Variants in GALP observed in about 807,000 individuals in gnomAD.
The protein encoded by GALP is galanin like peptide.
A neutral mutation model predicts 15.2 loss-of-function variants in GALP; 12 were observed. The observed-to-expected ratio is 0.79, with a 90% CI of 0.51 to 1.28. GALP has a LOEUF of 1.28. Among genes scored for constraint, GALP ranks in the 50% most tolerant of loss-of-function variants. The pLI, the probability that GALP is intolerant of heterozygous loss-of-function variation, is 0.00. For missense variants in GALP, 161 were observed against 145.6 expected (o/e 1.11, Z -0.55); for synonymous variants, 58 against 55.1 (o/e 1.05, Z -0.23).
intron 2 of GALP, among the ~76,000 whole-genome samples, chr19:56,178,800 G>A (rs769776637): frequency 2.0e-5 from 3 of 152,214 alleles, no homozygotes; most frequent in Non-Finnish European, 4.4e-5. Flanking sequence ...ATCCTTTGCA[G>A]TTGGTTCTAT....
At chr19:56,177,887 A>C (rs531658553) in intron 2 of GALP, among the ~76,000 whole-genome samples, 22 of 152,316 alleles carry the variant, frequency 1.4e-4, no homozygotes, top group Middle Eastern at 6.8e-3. Flanking sequence ...AGGATTAAAT[A>C]ATTAAGAGAT....
chr19:56,176,243 C>T (rs1338307283), intron 1 of GALP, among the ~76,000 whole-genome samples, 181 bp downstream of exon 1: 166 of 111,264 alleles, frequency 1.5e-3, no homozygotes, highest in East Asian at 6.1e-3. Flanking sequence ...GGCACAGGGG[C>T]GGATGCCAGC....
chr19:56,184,550 C>G (rs1448293546), intron 5 of GALP, among the ~76,000 whole-genome samples: 1 of 136,972 alleles, frequency 7.3e-6, no homozygotes, highest in African/African-American at 2.8e-5. Flanking sequence ...GTGGCGCGAT[C>G]TCGGCTCACT....
rs138776948 is a variant in GALP, at chr19:56,183,103, C to G, written c.218-32C>G. ...TTTAGCTCCCACTTGTAACTACGAA[C>G]GTGTGTGTGAATGTTGTATTTTTGT... On this transcript the variant is annotated intron_variant, in intron 4 of 5. Coordinates refer to ENST00000357330, the MANE Select transcript of GALP (RefSeq NM_033106.4). The G allele has an allele frequency of 9.7e-4, 1,419 of 1,469,762 alleles. 5 individuals are homozygous for G. The highest frequency in any genetic ancestry group is 8.8e-3 in the Middle Eastern group (51 of 5,808). 91.0% of individuals were successfully genotyped at this position (1,469,762 alleles called of 1,614,324 possible). A position where few individuals can be genotyped will look rare whatever the true frequency, so the allele number is the denominator to read the frequency against.
intron 3 of GALP, among the ~76,000 whole-genome samples, chr19:56,181,623 G>A (rs2122168503): frequency 6.6e-6 from 1 of 151,876 alleles, no homozygotes; most frequent in African/African-American, 2.4e-5. Context: ...GGTCAGACTG[G>A]TCTTGAACTC....
intron 4 of GALP, 31 bp from the exon 5 acceptor site, chr19:56,183,104 G>A (rs570945213): frequency 4.2e-5 from 62 of 1,476,376 alleles, no homozygotes; most frequent in South Asian, 3.2e-4. Flanking sequence ...AACTACGAAC[G>A]TGTGTGTGAA....
At chr19:56,183,654 A>G (rs756669771) in intron 5 of GALP, among the ~76,000 whole-genome samples, 43 of 152,082 alleles carry the variant, frequency 2.8e-4, no homozygotes, top group African/African-American at 6.0e-4. Flanking sequence ...TTGGAGTGCA[A>G]TGGTGCGATC....
intron 2 of GALP, among the ~76,000 whole-genome samples, chr19:56,179,704 T>C (rs996311457): frequency 2.5e-4 from 38 of 150,918 alleles, no homozygotes; most frequent in African/African-American, 9.0e-4. Context: ...AGTGCAGGGA[T>C]GAGATCATAG....
chr19:56,185,052 G>A (rs947185983), intron 5 of GALP, among the ~76,000 whole-genome samples, 163 bp from the exon 6 acceptor site: 2 of 152,114 alleles, frequency 1.3e-5, no homozygotes, highest in Non-Finnish European at 1.5e-5. Flanking sequence ...TGTAATCCCA[G>A]CACTTTGGGA....
At chr19:56,184,421 C>A (rs1477765686) in intron 5 of GALP, among the ~76,000 whole-genome samples, 6 of 152,010 alleles carry the variant, frequency 3.9e-5, no homozygotes, top group African/African-American at 1.4e-4. Flanking sequence ...TCCCACCTTC[C>A]TTTAGTTGGA....
intron 2 of GALP, among the ~76,000 whole-genome samples, chr19:56,178,165 CAA>C (rs71184328): frequency 2.6e-3 from 351 of 135,714 alleles, no homozygotes; most frequent in Non-Finnish European, 1.9e-3. Flanking sequence ...TTTTTTCTAA[CAA>C]AAAAAAAAAA....
intron 3 of GALP, among the ~76,000 whole-genome samples, chr19:56,181,803 A>T (rs2032571795): frequency 6.6e-6 from 1 of 152,042 alleles, no homozygotes; most frequent in Non-Finnish European, 1.5e-5. Flanking sequence ...CTGCATAGTG[A>T]GCATTACATC....
intron 4 of GALP, 110 bp from the exon 5 acceptor site, chr19:56,183,025 G>T: frequency 1.4e-6 from 1 of 725,844 alleles, no homozygotes; most frequent in Non-Finnish European, 2.4e-6. Context: ...CTCCACCCTC[G>T]GGAAGGACCC....
At chr19:56,179,170 C>T (rs544626447) in intron 2 of GALP, among the ~76,000 whole-genome samples, 49 of 152,120 alleles carry the variant, frequency 3.2e-4, no homozygotes, top group African/African-American at 1.0e-3. Flanking sequence ...GAGTGAGACG[C>T]GAGACTCCAT....
intron 2 of GALP, 105 bp downstream of exon 2, chr19:56,177,300 A>G (rs4801681): frequency 0.3 from 263,739 of 885,228 alleles, 40,840 homozygotes; most frequent in African/African-American, 0.4. Context: ...GTCCTGGGGA[A>G]GAAGCTCAAA....
intron 1 of GALP, among the ~76,000 whole-genome samples, chr19:56,176,309 C>G (rs1380515185): frequency 1.5e-4 from 14 of 92,150 alleles, no homozygotes; most frequent in South Asian, 3.8e-4. Context: ...CCAGCTGCAC[C>G]GGGGTGAGAG....
At chr19:56,180,506 G>C (rs1468275768) in intron 2 of GALP, 80 bp from the exon 3 acceptor site, 5 of 1,190,738 alleles carry the variant, frequency 4.2e-6, no homozygotes, top group African/African-American at 3.0e-5. Context: ...GTCGTATGAC[G>C]ACCCACATCA....
chr19:56,183,219 C>G lies in GALP; in HGVS notation c.295+7C>G, dbSNP rs373719152. Reference sequence around the variant, plus strand: ...GCCAAACCAGAGATTGGAGGTAAAGCCAGGAAACACAGAAGAGAGACACCG... The same window carrying G: ...GCCAAACCAGAGATTGGAGGTAAAGGCAGGAAACACAGAAGAGAGACACCG... On this transcript the variant is annotated splice_region_variant and intron_variant, in intron 5 of 5. Coordinates refer to ENST00000357330, the MANE Select transcript of GALP (RefSeq NM_033106.4). 4 of 1,606,596 alleles carry G rather than the reference C, an allele frequency of 2.5e-6. No homozygotes were observed. The highest frequency in any genetic ancestry group is 3.4e-6 in the Non-Finnish European group (4 of 1,173,438).
At chr19:56,178,548 G>T (rs557275346) in intron 2 of GALP, among the ~76,000 whole-genome samples, 2 of 113,442 alleles carry the variant, frequency 1.8e-5, no homozygotes, top group East Asian at 4.3e-4. Flanking sequence ...AAAAAGAGAC[G>T]CCGGCTTGGC....
Sources: allele counts gnomAD v4.1 joint callset (sites outside exome capture counted in the v4.1 genomes callset), GRCh38; gene constraint gnomAD v4.1.1; transcripts MANE v1.5; gene names NCBI Gene and HGNC (gene_info 2026-07-23, HGNC 2026-07-21).